DIAPH2: variants seen among roughly 807,000 people sequenced by gnomAD.
DIAPH2 encodes the protein protein diaphanous homolog 2.
Under a neutral mutation model 92.7 loss-of-function variants are expected in DIAPH2, and 35 were observed. That is an observed-to-expected ratio of 0.38 (90% CI 0.29 to 0.50). The LOEUF is 0.50. Among genes scored for constraint, DIAPH2 ranks in the 20% least tolerant of loss-of-function variants. The probability of loss-of-function intolerance (pLI) is 0.94; values close to 1 mark genes in which losing one functional copy is unlikely to be tolerated. For synonymous variants in DIAPH2, 301 were observed against 280.4 expected, an observed-to-expected ratio of 1.07 and a Z score of -0.73; for missense variants, 701 against 819.5, an observed-to-expected ratio of 0.86 and a Z score of 1.77.
intron 23 of DIAPH2, among the ~76,000 whole-genome samples, chrX:97,272,371 C>G (rs2068396580): frequency 8.9e-6 from 1 of 111,897 alleles, no homozygotes; most frequent in Non-Finnish European, 1.9e-5. Flanking sequence ...ACCTTAACAT[C>G]ACGCATTTAT....
At chrX:96,796,154 TTTTA>T (rs2064537381) in intron 4 of DIAPH2, among the ~76,000 whole-genome samples, 1 of 111,853 alleles carries the variant, frequency 8.9e-6, no homozygotes, top group Admixed American at 9.5e-5. Flanking sequence ...TTTTTTTGTT[TTTTA>T]TTTTTTTATT....
intron 22 of DIAPH2, among the ~76,000 whole-genome samples, chrX:97,192,011 G>A (rs1308214916): frequency 9.0e-6 from 1 of 111,730 alleles, no homozygotes; most frequent in African/African-American, 3.3e-5. Flanking sequence ...AAGTACTTTT[G>A]CTGAGTGCAG....
intron 5 of DIAPH2, chrX:96,885,072 G>C: frequency 8.3e-7 from 1 of 1,208,304 alleles, no homozygotes; most frequent in Non-Finnish European, 1.1e-6. Flanking sequence ...CTGTGGATCG[G>C]GAGCATTTTA....
chrX:97,001,215 G>A (rs931334146), intron 17 of DIAPH2, among the ~76,000 whole-genome samples: 3 of 112,161 alleles, frequency 2.7e-5, no homozygotes, highest in Admixed American at 9.4e-5. Context: ...ACACCAGTGG[G>A]TGTTTTGTTC....
intron 26 of DIAPH2, among the ~76,000 whole-genome samples, chrX:97,496,554 A>G (rs1200501085): frequency 9.0e-6 from 1 of 111,257 alleles, no homozygotes; most frequent in Non-Finnish European, 1.9e-5. Context: ...CCATCTTCAC[A>G]TTAGGTAACA....
intron 4 of DIAPH2, among the ~76,000 whole-genome samples, chrX:96,840,903 G>A (rs1459337480): frequency 9.8e-5 from 11 of 111,761 alleles, no homozygotes; most frequent in African/African-American, 3.6e-4. Context: ...GTGAGCCACC[G>A]TGCCCGGCCC....
At chrX:97,327,662 ACTC>A (rs747412632) in intron 23 of DIAPH2, among the ~76,000 whole-genome samples, 71 of 111,340 alleles carry the variant, frequency 6.4e-4, no homozygotes, top group African/African-American at 2.2e-3. Context: ...CTGGGCTCGA[ACTC>A]CTGACCTCAG....
At chrX:97,262,896 G>A (rs1258741800) in intron 23 of DIAPH2, among the ~76,000 whole-genome samples, 1 of 112,176 alleles carries the variant, frequency 8.9e-6, no homozygotes, top group Non-Finnish European at 1.9e-5. Flanking sequence ...TAACGAAGGT[G>A]TAGGGGAACT....
At chrX:96,729,685 T>C (rs1475862266) in intron 1 of DIAPH2, among the ~76,000 whole-genome samples, 1 of 112,487 alleles carries the variant, frequency 8.9e-6, no homozygotes, top group Non-Finnish European at 1.9e-5. Context: ...AAATATTTTG[T>C]TCTTTATAAA....
intron 17 of DIAPH2, among the ~76,000 whole-genome samples, chrX:97,003,917 G>A (rs1250802796): frequency 9.0e-6 from 1 of 111,419 alleles, no homozygotes; most frequent in Admixed American, 9.5e-5. Flanking sequence ...ATTTTTTCTT[G>A]TAGTAGTTTC....
chrX:97,593,951 CAAAG>C (rs1433981838), intron 26 of DIAPH2, among the ~76,000 whole-genome samples: 3 of 111,214 alleles, frequency 2.7e-5, no homozygotes, highest in South Asian at 7.6e-4. Context: ...TAATACCTAA[CAAAG>C]AGATAAGATA....
chrX:97,281,764 C>T (rs922175888), intron 23 of DIAPH2, among the ~76,000 whole-genome samples: 3 of 108,255 alleles, frequency 2.8e-5, no homozygotes, highest in East Asian at 2.9e-4. Context: ...AAAACACATA[C>T]GCAAAAGGTT....
intron 4 of DIAPH2, among the ~76,000 whole-genome samples, chrX:96,859,842 C>T (rs955953475): frequency 2.7e-5 from 3 of 110,337 alleles, no homozygotes; most frequent in East Asian, 5.7e-4. Context: ...GGGGTTTCAC[C>T]GTGTTAGGCA....
intron 4 of DIAPH2, among the ~76,000 whole-genome samples, chrX:96,802,625 A>G (rs1277643733): frequency 9.0e-6 from 1 of 111,514 alleles, no homozygotes; most frequent in East Asian, 2.8e-4. Context: ...TATAGGGTAA[A>G]CTTAAGTAGT....
At chrX:97,072,594 C>T (rs1278841071) in intron 17 of DIAPH2, among the ~76,000 whole-genome samples, 1 of 111,853 alleles carries the variant, frequency 8.9e-6, no homozygotes, top group Non-Finnish European at 1.9e-5. Context: ...CTTCCTTTTC[C>T]CTCAATTAGT....
chrX:96,829,061 T>C (rs1457795717), intron 4 of DIAPH2, among the ~76,000 whole-genome samples: 1 of 112,453 alleles, frequency 8.9e-6, no homozygotes, highest in Non-Finnish European at 1.9e-5. Context: ...ACTGGCTCTT[T>C]CTTGTTATTC....
chrX:97,276,271 GAGGGAC>G (rs1166261198), intron 23 of DIAPH2, among the ~76,000 whole-genome samples: 31 of 112,131 alleles, frequency 2.8e-4, no homozygotes, highest in Admixed American at 1.0e-3. Context: ...ACCGTGGGGA[GAGGGAC>G]AGGGACAGGG....
At chrX:97,591,796 T>G (rs2071519008) in intron 26 of DIAPH2, among the ~76,000 whole-genome samples, 1 of 112,133 alleles carries the variant, frequency 8.9e-6, no homozygotes. Context: ...TTGAACATCA[T>G]AGAGAGAAAA....
At chrX:97,354,687 T>G (rs2069249149) in intron 24 of DIAPH2, among the ~76,000 whole-genome samples, 1 of 112,859 alleles carries the variant, frequency 8.9e-6, no homozygotes, top group African/African-American at 3.2e-5. Context: ...TCTGAGCTTT[T>G]TAAACTAAAA....
Sources: gnomAD v4.1 joint callset for allele counts (sites outside exome capture counted in the v4.1 genomes callset) on GRCh38, gnomAD v4.1.1 for gene constraint, MANE v1.5 for transcripts, NCBI Gene and HGNC (gene_info 2026-07-23, HGNC 2026-07-21) for gene names.